The following CREBRF variants were observed in gnomAD, a reference collection of about 807,000 sequenced individuals.
The protein encoded by CREBRF is UPF0474 protein C5orf41.
In CREBRF, 5 loss-of-function variants were observed where a neutral mutation model predicts 66.1. The ratio of observed to expected loss-of-function variants is 0.08; its 90% CI spans 0.04 to 0.16. The LOEUF (loss-of-function observed/expected upper bound fraction) is 0.16. Among genes scored for constraint, CREBRF ranks in the 10% least tolerant of loss-of-function variants. The pLI is 1.00. For synonymous variants in CREBRF, 229 were observed against 264.4 expected (o/e 0.87, Z 1.30); for missense variants, 531 against 744.9 (o/e 0.71, Z 3.34).
chr5:173,095,128 C>T (rs1375121431), intron 4 of CREBRF, among the ~76,000 whole-genome samples: 2 of 146,506 alleles, frequency 1.4e-5, no homozygotes, highest in African/African-American at 5.0e-5. Flanking sequence ...CTCTCTGTTT[C>T]ATTGGTATAT....
chr5:173,060,967 TTTTG>T (rs1339074804), intron 1 of CREBRF, among the ~76,000 whole-genome samples: 2 of 152,172 alleles, frequency 1.3e-5, no homozygotes, highest in East Asian at 3.9e-4. Flanking sequence ...CATTGAGGTT[TTTTG>T]TTTGTTCGTT....
At chr5:173,084,567 T>C (rs1437198593) in intron 2 of CREBRF, among the ~76,000 whole-genome samples, 1 of 152,228 alleles carries the variant, frequency 6.6e-6, no homozygotes, top group Non-Finnish European at 1.5e-5. Context: ...CTGTGGGCCT[T>C]GTCCCACACA....
At chr5:173,120,974 C>T (rs1237147191) in intron 7 of CREBRF, among the ~76,000 whole-genome samples, 3 of 151,848 alleles carry the variant, frequency 2.0e-5, no homozygotes, top group Admixed American at 6.6e-5. Context: ...ATTACAGGCA[C>T]GAGCCACCGC....
intron 4 of CREBRF, among the ~76,000 whole-genome samples, chr5:173,096,115 C>A (rs1758470431): frequency 6.6e-6 from 1 of 152,058 alleles, no homozygotes; most frequent in Non-Finnish European, 1.5e-5. Context: ...ACTACAGGTG[C>A]CTGCCACCAA....
chr5:173,117,392 A>T (rs973371269), intron 7 of CREBRF, among the ~76,000 whole-genome samples: 2 of 48,074 alleles, frequency 4.2e-5, no homozygotes, highest in Admixed American at 2.1e-4. Flanking sequence ...AAAAAAAAAA[A>T]AATAAGTAAG....
rs912421885 is a variant in CREBRF at position 173,091,385 on chromosome 5, T to A, written c.1206T>A (p.Asp402Glu). The A allele has an allele frequency of 1.2e-6, 2 of 1,613,916 alleles. No homozygotes were observed. Among genetic ancestry groups the A allele is most frequent in the Non-Finnish European group, 1.7e-6 (2 of 1,179,948 alleles). ...ATGACAAGGATGATGATATTAGTGA[T>A]ACTTTCTCTGAACCAGGTATTATAA... Reference protein sequence around the residue: ...YEDDKDDDISDTFSEPGYEND... With the variant: ...YEDDKDDDISETFSEPGYEND... Residue 402 changes from aspartate to glutamate, a missense_variant, in exon 4 of 9, where the codon GAT (aspartate) becomes GAA (glutamate). By Grantham distance (45) the Asp-to-Glu change is conservative. This residue lies in a region of CREBRF where 309 missense variants were observed against 341.4 expected (regional missense o/e 0.90). Coordinates refer to ENST00000296953, the MANE Select transcript of CREBRF (RefSeq NM_153607.3).
intron 2 of CREBRF, among the ~76,000 whole-genome samples, chr5:173,082,007 T>C (rs1009024916): frequency 1.8e-4 from 8 of 44,096 alleles, no homozygotes; most frequent in African/African-American, 5.4e-4. Flanking sequence ...GGTTTAGTTT[T>C]TTTTTTTTTT....
intron 1 of CREBRF, among the ~76,000 whole-genome samples, chr5:173,068,542 T>A (rs563019129): frequency 6.6e-6 from 1 of 152,378 alleles, no homozygotes; most frequent in Admixed American, 6.5e-5. Flanking sequence ...ATAATCTTTC[T>A]AAAGAGGCCT....
At chr5:173,110,206 A>T (rs1758840407) in intron 5 of CREBRF, 1 of 390,574 alleles carries the variant, frequency 2.6e-6, no homozygotes, top group Non-Finnish European at 4.9e-6. Context: ...ACTCATCCTG[A>T]GATTTGAGAT....
intron 4 of CREBRF, among the ~76,000 whole-genome samples, chr5:173,107,559 A>G (rs1271161215): frequency 6.6e-6 from 1 of 152,238 alleles, no homozygotes; most frequent in Admixed American, 6.5e-5. Context: ...TAAGTTTTTT[A>G]TCTGATAGCC....
chr5:173,127,692 T>G (rs1426193547), intron 8 of CREBRF, among the ~76,000 whole-genome samples: 1 of 151,920 alleles, frequency 6.6e-6, no homozygotes, highest in Non-Finnish European at 1.5e-5. Context: ...ACTCCTAACC[T>G]CGTGATCCAC....
Position 173,059,256 on chromosome 5 carries a change from C to CTTTTTTTTTTTTTTTTTTTTTTTTTT in CREBRF, c.-192+2785_-192+2786insTTTTTTTTTTTTTTTTTTTTTTTTTT, listed in dbSNP as rs780723745. Among the ~76,000 whole-genome samples the CTTTTTTTTTTTTTTTTTTTTTTTTTT allele has an allele frequency of 1.7e-5, 2 of 117,644 alleles. 1 individual carries two copies. 77.2% of individuals were successfully genotyped at this position (117,644 alleles called of 152,430 possible). Reference sequence around the variant, plus strand: ...AGCTTATTTATCAGTTCTTCTTTTTCTTTTTTTTCTTTTTTTTTTTTTTTT... The same window carrying CTTTTTTTTTTTTTTTTTTTTTTTTTT: ...AGCTTATTTATCAGTTCTTCTTTTTCTTTTTTTTTTTTTTTTTTTTTTTTTTTTTTTTTTCTTTTTTTTTTTTTTTT... On this transcript the variant is annotated intron_variant, in intron 1 of 8. Transcript: ENST00000296953.
intron 7 of CREBRF, among the ~76,000 whole-genome samples, chr5:173,118,659 T>TA (rs1759065053): frequency 6.6e-6 from 1 of 152,128 alleles, no homozygotes; most frequent in Admixed American, 6.5e-5. Context: ...ACCACATATT[T>TA]ATGGGTTTAC....
At chr5:173,092,395 G>A in intron 4 of CREBRF, 1 of 985,398 alleles carries the variant, frequency 1.0e-6, no homozygotes, top group Non-Finnish European at 1.2e-6. Flanking sequence ...TGAAATCTCT[G>A]GGGGAACTGG....
intron 1 of CREBRF, among the ~76,000 whole-genome samples, chr5:173,077,012 C>T (rs982262972): frequency 5.3e-5 from 8 of 151,364 alleles, no homozygotes; most frequent in African/African-American, 9.7e-5. Flanking sequence ...GGCACAATCT[C>T]GGCTCACTAT....
At chr5:173,077,754 C>G (rs536806134) in intron 1 of CREBRF, among the ~76,000 whole-genome samples, 1 of 152,190 alleles carries the variant, frequency 6.6e-6, no homozygotes, top group South Asian at 2.1e-4. Context: ...AAAAACTATC[C>G]CAGCCCTTAG....
At position 173,075,437 on chromosome 5, in the gene CREBRF, G is replaced by A. The variant is rs1039862408; in HGVS notation, c.-191-5148G>A. 5.9e-5 allele frequency among the ~76,000 whole-genome samples: 9 copies of A among 152,170 alleles called. No homozygotes were observed. The South Asian group carries it at 6.2e-4, about 11-fold the overall frequency. On this transcript the variant is annotated intron_variant, in intron 1 of 8. Coordinates refer to ENST00000296953, the MANE Select transcript of CREBRF (RefSeq NM_153607.3). Reference sequence around the variant, plus strand: ...TGGGATGTCTGATTTCAACTGTACCGTGAAACAGGTAGTGGCTTGACTTAG... The same window carrying A: ...TGGGATGTCTGATTTCAACTGTACCATGAAACAGGTAGTGGCTTGACTTAG...
intron 4 of CREBRF, among the ~76,000 whole-genome samples, chr5:173,104,816 A>G (rs1283649024): frequency 6.6e-6 from 1 of 152,096 alleles, no homozygotes; most frequent in African/African-American, 2.4e-5. Context: ...TATTAAGTCA[A>G]AGAAAACTGA....
At position 173,069,063 on chromosome 5, in the gene CREBRF, C is replaced by A. The variant is rs545219153; in HGVS notation, c.-191-11522C>A. On this transcript the variant is annotated intron_variant, in intron 1 of 8. Transcript: ENST00000296953. ...CTCCAGCCTGGGCGACAGAGGGAGA[C>A]TCCGTCTCAAAAAACAAAAAAAAAG... Among the ~76,000 whole-genome samples, 4 of 152,008 alleles carry A rather than the reference C, an allele frequency of 2.6e-5. No individual in the cohort carries two copies. In the South Asian group the frequency reaches 8.4e-4, roughly 32 times the overall value.
Sources: gnomAD v4.1 joint callset for allele counts (sites outside exome capture counted in the v4.1 genomes callset) on GRCh38, gnomAD v4.1.1 for gene constraint, gnomAD v4.1.1 regional missense constraint, MANE v1.5 for transcripts, NCBI Gene and HGNC (gene_info 2026-07-23, HGNC 2026-07-21) for gene names.